The following VPS13B variants were observed in gnomAD, a reference collection of about 807,000 sequenced individuals.
VPS13B encodes the protein vacuolar protein sorting 13 homolog B.
VPS13B carries 285 observed loss-of-function variants against 426.4 expected under a neutral mutation model. The observed-to-expected ratio is 0.67, with a 90% confidence interval of 0.61 to 0.74. VPS13B has a LOEUF of 0.74. Ranked by LOEUF, VPS13B falls within the 30% of genes least tolerant of loss-of-function variation. The pLI is 0.00. For missense variants in VPS13B, 4,537 were observed against 4,782.6 expected, an observed-to-expected ratio of 0.95 and a Z score of 1.51; for synonymous variants, 1,676 against 1,676.4, an observed-to-expected ratio of 1.00 and a Z score of 0.01.
At chr8:99,717,088 C>A in intron 36 of VPS13B, 83 bp from the exon 37 acceptor site, 1 of 1,336,546 alleles carries the variant, frequency 7.5e-7, no homozygotes, top group Non-Finnish European at 1.1e-6. Flanking sequence ...TGAATTAATA[C>A]TCTTCAAAAA....
rs370420393 is a variant in VPS13B at position 99,530,461 on chromosome 8, A to G, written c.4745+9451A>G. 6.6e-5 allele frequency among the ~76,000 whole-genome samples: 10 copies of G among 152,212 alleles called. No individual in the cohort carries two copies. The East Asian group carries it at 1.9e-3, about 29-fold the overall frequency. The stretch of plus-strand genomic sequence containing the variant: ...GAAACCCTATTTCTACTAAAAATAC[A>G]AAAGCTAGCAGGCATGGTGGCTGGC... On this transcript the variant is annotated intron_variant, in intron 30 of 61. Coordinates refer to ENST00000357162, the MANE Select transcript of VPS13B (RefSeq NM_152564.5).
chr8:99,074,375 G>T (rs1487708496), intron 3 of VPS13B, among the ~76,000 whole-genome samples: 1 of 151,746 alleles, frequency 6.6e-6, no homozygotes, highest in Non-Finnish European at 1.5e-5. Context: ...TGTGTATGTT[G>T]AATCGTCCTT....
intron 17 of VPS13B, among the ~76,000 whole-genome samples, chr8:99,199,250 C>T (rs941723468): frequency 2.6e-5 from 4 of 152,042 alleles, no homozygotes; most frequent in Admixed American, 1.3e-4. Context: ...GGCATGATCT[C>T]GGCTCACTGC....
intron 2 of VPS13B, among the ~76,000 whole-genome samples, chr8:99,027,118 C>G (rs1355878099): frequency 1.3e-5 from 2 of 152,174 alleles, no homozygotes; most frequent in African/African-American, 4.8e-5. Context: ...CTCAGGTGAT[C>G]TACCTGCCTC....
At chr8:99,247,055 A>C (rs150461196) in intron 17 of VPS13B, among the ~76,000 whole-genome samples, 1 of 152,264 alleles carries the variant, frequency 6.6e-6, no homozygotes, top group African/African-American at 2.4e-5. Flanking sequence ...CCCCTAATAT[A>C]GTTAATTTTG....
chr8:99,196,048 C>T (rs1261205448), intron 17 of VPS13B, among the ~76,000 whole-genome samples: 1 of 151,830 alleles, frequency 6.6e-6, no homozygotes, highest in Non-Finnish European at 1.5e-5. Flanking sequence ...GTCTTTTATT[C>T]CATATGAATT....
intron 3 of VPS13B, among the ~76,000 whole-genome samples, chr8:99,052,304 G>A (rs1430099523): frequency 5.9e-5 from 5 of 85,216 alleles, no homozygotes; most frequent in Middle Eastern, 4.2e-3. Context: ...GGTTTTTGTC[G>A]TTGGTTCTGT....
intron 21 of VPS13B, among the ~76,000 whole-genome samples, chr8:99,412,190 G>A (rs1815710984): frequency 6.6e-6 from 1 of 151,942 alleles, no homozygotes; most frequent in Non-Finnish European, 1.5e-5. Context: ...AGTATGGAAT[G>A]TTTTTCCATT....
Position 99,481,735 on chromosome 8 carries a change from G to A in VPS13B, c.3803G>A (p.Ser1268Asn). 1 of 1,613,964 alleles carries A rather than the reference G, an allele frequency of 6.2e-7. No homozygotes were observed. Among genetic ancestry groups the A allele is most frequent in the Non-Finnish European group, 8.5e-7 (1 of 1,179,900 alleles). ...GPVPTSPVRS[S>N]IGTAPPDTST... ...GTTCCTACTTCTCCAGTTAGAAGCA[G>A]TATAGGCACAGCTCCTCCAGATACC... Residue 1268 changes from serine to asparagine, a missense_variant, in exon 25 of 62, where the codon AGT (serine) becomes AAT (asparagine). By Grantham distance (46) the Ser-to-Asn change is conservative (BLOSUM62 1). Coordinates refer to ENST00000357162, the MANE Select transcript of VPS13B (RefSeq NM_152564.5).
intron 19 of VPS13B, among the ~76,000 whole-genome samples, chr8:99,379,211 G>T (rs892383859): frequency 6.6e-6 from 1 of 152,070 alleles, no homozygotes; most frequent in Non-Finnish European, 1.5e-5. Flanking sequence ...CCCCAAATCC[G>T]TGGAAAAATT....
intron 39 of VPS13B, among the ~76,000 whole-genome samples, chr8:99,763,135 CAAAAAAAA>C (rs750289763): frequency 0.014 from 507 of 35,810 alleles, 2 homozygotes; most frequent in Non-Finnish European, 0.02. Flanking sequence ...GACCTTGTCT[CAAAAAAAA>C]AAAAAAAAAA....
chr8:99,697,548 A>G (rs1832081589), intron 35 of VPS13B: 1 of 710,040 alleles, frequency 1.4e-6, no homozygotes, highest in South Asian at 1.6e-5. Flanking sequence ...GAGGACGTGC[A>G]GGACTACAGC....
In VPS13B at chr8:99,322,863, C is replaced by G. The variant is rs995091300; in HGVS notation, c.2824+47609C>G. Among the ~76,000 whole-genome samples the G allele has an allele frequency of 3.3e-5, 5 of 152,358 alleles. No individual in the cohort carries two copies. The South Asian group carries it at 1.0e-3, about 32-fold the overall frequency. On this transcript the variant is annotated intron_variant, in intron 19 of 61. Transcript: ENST00000357162. ...ATAGTTCTTAAACACGATTGTCTTACTTCCTTGATAATTCTTTCTGATGTG... is the reference window on the plus strand; with the variant it reads ...ATAGTTCTTAAACACGATTGTCTTAGTTCCTTGATAATTCTTTCTGATGTG...
chr8:99,274,383 G>T (rs1310010636), intron 18 of VPS13B, 51 bp downstream of exon 18: 1 of 1,613,432 alleles, frequency 6.2e-7, no homozygotes, highest in Non-Finnish European at 8.5e-7. Flanking sequence ...AGGAGAATTG[G>T]CCTTGCGTTT....
intron 33 of VPS13B, among the ~76,000 whole-genome samples, chr8:99,608,809 C>T (rs1176904717): frequency 3.9e-5 from 6 of 151,928 alleles, no homozygotes; most frequent in African/African-American, 7.2e-5. Flanking sequence ...TATTCCTCTA[C>T]GTTTTAGCCT....
chr8:99,313,047 G>T (rs918257404), intron 19 of VPS13B, among the ~76,000 whole-genome samples: 1 of 152,046 alleles, frequency 6.6e-6, no homozygotes, highest in African/African-American at 2.4e-5. Flanking sequence ...CTCTGCATTG[G>T]TTATTCTAGT....
At chr8:99,640,044 A>G (rs1829266011) in intron 33 of VPS13B, among the ~76,000 whole-genome samples, 3 of 76,050 alleles carry the variant, frequency 3.9e-5, no homozygotes, top group Admixed American at 1.5e-4. Context: ...GAAGAAGAAG[A>G]AGAAGAGAAA....
chr8:99,234,449 T>C, intron 17 of VPS13B: 1 of 627,786 alleles, frequency 1.6e-6, no homozygotes, highest in South Asian at 1.4e-5. Flanking sequence ...CCCATGCAAT[T>C]CCACTTTACC....
In VPS13B at chr8:99,563,738, A is replaced by T. The variant is rs182733368; in HGVS notation, c.4949+7085A>T. 6.6e-5 allele frequency among the ~76,000 whole-genome samples: 10 copies of T among 152,304 alleles called. No homozygotes were observed. In the East Asian group the frequency reaches 1.9e-3, roughly 29 times the overall value. On this transcript the variant is annotated intron_variant, in intron 31 of 61. Transcript: ENST00000357162. ...CACATAATGTCATGCTTGGCACATA[A>T]CAGATACCAAATAAAGGCTAACTTA...
Sources: allele counts gnomAD v4.1 joint callset (sites outside exome capture counted in the v4.1 genomes callset), GRCh38; gene constraint gnomAD v4.1.1; transcripts MANE v1.5; gene names NCBI Gene and HGNC (gene_info 2026-07-23, HGNC 2026-07-21).